FAM120C: variants seen among roughly 807,000 people sequenced by gnomAD.
FAM120C encodes family with sequence similarity 120 member C, also known as constitutive coactivator of PPAR-gamma-like protein 2.
FAM120C carries 14 observed loss-of-function variants against 71.2 expected under a neutral mutation model. The ratio of observed to expected loss-of-function variants is 0.20; its 90% CI spans 0.13 to 0.31. The LOEUF (loss-of-function observed/expected upper bound fraction) is 0.31. Among genes scored for constraint, FAM120C ranks in the 10% least tolerant of loss-of-function variants. The probability of loss-of-function intolerance (pLI) is 1.00; values close to 1 mark genes in which losing one functional copy is unlikely to be tolerated. For missense variants in FAM120C, 500 were observed against 879.0 expected, an observed-to-expected ratio of 0.57 and a Z score of 5.45; for synonymous variants, 354 against 353.2, an observed-to-expected ratio of 1.00 and a Z score of -0.03.
rs1235991646 is a variant in FAM120C, at chrX:54,164,549, T to C, written c.700-4933A>G. Among the ~76,000 whole-genome samples, 4 of 112,237 alleles carry C rather than the reference T, an allele frequency of 3.6e-5. No individual in the cohort carries two copies. In the East Asian group the frequency reaches 1.1e-3, roughly 31 times the overall value. On this transcript the variant is annotated intron_variant, in intron 1 of 15. Transcript: ENST00000375180. Reference sequence around the variant, plus strand: ...GACTGGCTTATTTCACTTAGCATAATGTCCTCAAGTGTTCATCCATATTGT... The same window carrying C: ...GACTGGCTTATTTCACTTAGCATAACGTCCTCAAGTGTTCATCCATATTGT...
At chrX:54,079,475 G>C (rs1335162472) in intron 15 of FAM120C, among the ~76,000 whole-genome samples, 1 of 110,303 alleles carries the variant, frequency 9.1e-6, no homozygotes, top group Admixed American at 9.8e-5. Flanking sequence ...AAAGAAGAGA[G>C]AGAGAAAGTT....
rs2067288728 is a variant in FAM120C, at chrX:54,171,569, G to GA, written c.699+10930dup. ...TGTTTGTTTATTCTCCTTTGACTTG[G>GA]AACTGGTGGCCTGACACATTTATGT... On this transcript the variant is annotated intron_variant, in intron 1 of 15. Coordinates refer to ENST00000375180, the MANE Select transcript of FAM120C (RefSeq NM_017848.6). 2.7e-5 allele frequency: 3 copies of GA among 111,321 alleles called. No individual in the cohort carries two copies. In the Admixed American group the frequency reaches 2.9e-4, roughly 11 times the overall value. 9.2% of individuals were successfully genotyped at this position (111,321 alleles called of 1,213,427 possible).
chrX:54,144,356 G>A (rs1256190659), intron 4 of FAM120C, among the ~76,000 whole-genome samples: 6 of 103,486 alleles, frequency 5.8e-5, no homozygotes, highest in African/African-American at 2.1e-4. Context: ...ATTCAATTAG[G>A]AAAAGAGGGA....
At chrX:54,180,611 A>T (rs1261837532) in intron 1 of FAM120C, among the ~76,000 whole-genome samples, 3 of 111,793 alleles carry the variant, frequency 2.7e-5, no homozygotes, top group Non-Finnish European at 5.6e-5. Flanking sequence ...TCACAGTGGC[A>T]CTTTAGAAAG....
intron 9 of FAM120C, among the ~76,000 whole-genome samples, chrX:54,131,871 C>T (rs1257008900): frequency 9.1e-6 from 1 of 109,496 alleles, no homozygotes; most frequent in African/African-American, 3.4e-5. Flanking sequence ...ATGCCATTCT[C>T]CCGAGTAGCT....
At chrX:54,107,652 T>TGGGATTAG (rs1557125039) in intron 10 of FAM120C, among the ~76,000 whole-genome samples, 1 of 104,762 alleles carries the variant, frequency 9.5e-6, no homozygotes, top group East Asian at 3.1e-4. Flanking sequence ...CCTGAGTAGC[T>TGGGATTAG]GGGATTAGAG....
intron 10 of FAM120C, among the ~76,000 whole-genome samples, chrX:54,096,247 C>G (rs2066850923): frequency 9.3e-6 from 1 of 107,681 alleles, no homozygotes; most frequent in Non-Finnish European, 1.9e-5. Flanking sequence ...CCCATCTCTA[C>G]TAAAAATACA....
At position 54,082,054 on chromosome X, in the gene FAM120C, G is replaced by A. The variant is rs187676426; in HGVS notation, c.2840-594C>T. ...AAAAATTAGCCGGGCGTGGTGGTCC[G>A]TGCCTATAGTCCCAGTTACCCAGGA... On this transcript the variant is annotated intron_variant, in intron 13 of 15. Transcript: ENST00000375180. Among the ~76,000 whole-genome samples the A allele has an allele frequency of 6.5e-5, 7 of 108,315 alleles. No individual in the cohort carries two copies. The East Asian group carries it at 1.2e-3, about 18-fold the overall frequency. 94.1% of individuals were successfully genotyped at this position (108,315 alleles called of 115,157 possible).
intron 10 of FAM120C, among the ~76,000 whole-genome samples, chrX:54,115,596 G>A (rs994088174): frequency 9.0e-6 from 1 of 111,694 alleles, no homozygotes; most frequent in Non-Finnish European, 1.9e-5. Flanking sequence ...CTCAGTATAT[G>A]CTTTAAACTG....
chrX:54,169,795 A>G (rs926201003), intron 1 of FAM120C, among the ~76,000 whole-genome samples: 5 of 112,655 alleles, frequency 4.4e-5, no homozygotes, highest in Admixed American at 3.8e-4. Flanking sequence ...TGGAACTCTA[A>G]CTACTAAATA....
rs371621936 is a variant in FAM120C at position 54,181,378 on chromosome X, C to A, written c.699+1122G>T. Among the ~76,000 whole-genome samples the A allele has an allele frequency of 4.5e-5, 5 of 111,069 alleles. No homozygotes were observed. The South Asian group carries it at 2.0e-3, about 44-fold the overall frequency. ...ACTACTTTTCTTTTTCTTCTTCCTGCCCACCTCCTTTACTTCCCAAGCCTT... is the reference window on the plus strand; with the variant it reads ...ACTACTTTTCTTTTTCTTCTTCCTGACCACCTCCTTTACTTCCCAAGCCTT... On this transcript the variant is annotated intron_variant, in intron 1 of 15. Coordinates refer to ENST00000375180, the MANE Select transcript of FAM120C (RefSeq NM_017848.6).
chrX:54,174,360 C>T (rs2067305033), intron 1 of FAM120C, among the ~76,000 whole-genome samples: 1 of 111,581 alleles, frequency 9.0e-6, no homozygotes, highest in Non-Finnish European at 1.9e-5. Flanking sequence ...GGAGGTGGGA[C>T]TCATTGGGAG....
chrX:54,083,131 A>T (rs1424776598), intron 13 of FAM120C, among the ~76,000 whole-genome samples: 1 of 109,771 alleles, frequency 9.1e-6, no homozygotes, highest in South Asian at 3.9e-4. Context: ...AAGAAAAAAA[A>T]AAAAGCAAGA....
In FAM120C at chrX:54,104,574, G is replaced by C. The variant is rs1226240369; in HGVS notation, c.2312+11971C>G. ...TGTAATCCCAACACTTTGAGAGGCCGAGGCGGGCAGATCGCCTGAGGTCAG... is the reference window on the plus strand; with the variant it reads ...TGTAATCCCAACACTTTGAGAGGCCCAGGCGGGCAGATCGCCTGAGGTCAG... On this transcript the variant is annotated intron_variant, in intron 10 of 15. Coordinates refer to ENST00000375180, the MANE Select transcript of FAM120C (RefSeq NM_017848.6). Among the ~76,000 whole-genome samples, 3 of 111,431 alleles carry C rather than the reference G, an allele frequency of 2.7e-5. No individual in the cohort carries two copies. In the East Asian group the frequency reaches 8.4e-4, roughly 31 times the overall value.
chrX:54,183,172 G>A lies in FAM120C; in HGVS notation c.27C>T (p.Phe9=), dbSNP rs1228536972. Residue 9 remains phenylalanine, a synonymous_variant, in exon 1 of 16, where the codon TTC becomes TTT. Transcript: ENST00000375180. MGVQGFQE[F]LEKRCPGAVV... Reference sequence around the variant, plus strand: ...CGGCCCCGGGACAGCGCTTCTCCAGGAACTCTTGGAAGCCCTGGACACCCA... The same window carrying A: ...CGGCCCCGGGACAGCGCTTCTCCAGAAACTCTTGGAAGCCCTGGACACCCA... 1.8e-6 allele frequency: 2 copies of A among 1,140,010 alleles called. No homozygotes were observed. The highest frequency in any genetic ancestry group is 2.3e-6 in the Non-Finnish European group (2 of 860,619). The allele number at this position is 1,140,010 out of a possible 1,213,427, so 93.9% of individuals were successfully genotyped here.
chrX:54,157,011 T>C (rs1301751585), intron 3 of FAM120C, among the ~76,000 whole-genome samples: 3 of 109,251 alleles, frequency 2.7e-5, no homozygotes, highest in African/African-American at 1.0e-4. Context: ...ATCGTGCCAC[T>C]GCATTCCAAC....
chrX:54,136,449 C>T, intron 5 of FAM120C, 42 bp downstream of exon 5: 1 of 1,009,833 alleles, frequency 9.9e-7, no homozygotes, highest in Non-Finnish European at 1.4e-6. Context: ...AACTCAGTTT[C>T]CCCTATGAAC....
chrX:54,084,137 C>T (rs1391405152), intron 13 of FAM120C, among the ~76,000 whole-genome samples: 1 of 112,065 alleles, frequency 8.9e-6, no homozygotes, highest in Non-Finnish European at 1.9e-5. Flanking sequence ...CTAAGCATCA[C>T]TGGTAGGTAG....
chrX:54,151,450 T>A, intron 3 of FAM120C, 77 bp from the exon 4 acceptor site: 2 of 981,831 alleles, frequency 2.0e-6, no homozygotes, highest in Non-Finnish European at 2.8e-6. Flanking sequence ...TGAGGGGAGA[T>A]ATGGAATTCA....
Sources: allele counts gnomAD v4.1 joint callset (sites outside exome capture counted in the v4.1 genomes callset), GRCh38; gene constraint gnomAD v4.1.1; transcripts MANE v1.5; gene names NCBI Gene and HGNC (gene_info 2026-07-23, HGNC 2026-07-21).